Variants in ARID1B observed in about 807,000 individuals in gnomAD.
ARID1B encodes AT-rich interactive domain-containing protein 1B.
ARID1B carries 30 observed loss-of-function variants against 212.3 expected under a neutral mutation model. The observed-to-expected ratio is 0.14, with a 90% CI of 0.11 to 0.19. The LOEUF is 0.19. Ranked by LOEUF, ARID1B falls within the 10% of genes least tolerant of loss-of-function variation. ARID1B has a pLI of 1.00. For missense variants in ARID1B, 2,891 were observed against 3,204.0 expected, an observed-to-expected ratio of 0.90 and a Z score of 2.36; for synonymous variants, 1,402 against 1,301.7, an observed-to-expected ratio of 1.08 and a Z score of -1.66.
In ARID1B at chr6:157,210,294, C is replaced by T. The variant is rs1794695300; in HGVS notation, c.*2403C>T. ...ATATGGAGATTTGTAAGAGGGAATT[C>T]AATATTATTCTAATTTCTCTCTTAC... On this transcript the variant is annotated 3_prime_UTR_variant, in exon 20 of 20. Transcript: ENST00000636930. The T allele has an allele frequency of 1.3e-5, 3 of 230,558 alleles. No individual in the cohort carries two copies. Among genetic ancestry groups the T allele is most frequent in the South Asian group, 1.8e-4 (1 of 5,486 alleles). The allele number at this position is 230,558 out of a possible 1,614,324, so 14.3% of individuals were successfully genotyped here.
chr6:157,201,351 C>T lies in ARID1B; in HGVS notation c.5126C>T (p.Thr1709Met), dbSNP rs777745107. The change falls in exon 18 of 20, where the codon ACG (threonine) becomes ATG (methionine). Residue 1709 changes from threonine (T) to methionine (M), a missense_variant. Physicochemically the swap from Thr to Met is moderately conservative, Grantham distance 81. Coordinates refer to ENST00000636930, the MANE Select transcript of ARID1B (RefSeq NM_001374828.1). This position sits in a 1 kb window ranked among gnomAD's most constrained non-coding sequence, Gnocchi z 5.2. The stretch of plus-strand genomic sequence containing the variant: ...ATGAAGATGCAGAAGGTCATGCCCA[C>T]GGTCCCCACATCCCAGGTCACCGGG... Reference protein sequence around the residue: ...PSMKMQKVMPTVPTSQVTGPP... With the variant: ...PSMKMQKVMPMVPTSQVTGPP... The T allele has an allele frequency of 4.0e-5, 65 of 1,613,284 alleles. No individual in the cohort carries two copies. The highest frequency in any genetic ancestry group is 1.6e-4 in the Middle Eastern group (1 of 6,080).
chr6:157,157,336 T>C (rs1236671939), intron 8 of ARID1B, among the ~76,000 whole-genome samples: 1 of 152,136 alleles, frequency 6.6e-6, no homozygotes, highest in Non-Finnish European at 1.5e-5. Flanking sequence ...TAGGCGTCAT[T>C]AGCAGCCCAG....
At chr6:156,998,500 G>A (rs1778729108) in intron 4 of ARID1B, among the ~76,000 whole-genome samples, 1 of 152,178 alleles carries the variant, frequency 6.6e-6, no homozygotes, top group Non-Finnish European at 1.5e-5. Context: ...TGGGATTACA[G>A]GCGTGAGCCA....
chr6:156,854,676 C>T (rs76086422), intron 2 of ARID1B, among the ~76,000 whole-genome samples: 142 of 152,368 alleles, frequency 9.3e-4, no homozygotes, highest in African/African-American at 3.2e-3. Context: ...TCCCGGCCAT[C>T]CTGCCACGCG....
At chr6:157,107,568 T>C (rs1194594408) in intron 5 of ARID1B, among the ~76,000 whole-genome samples, 3 of 152,230 alleles carry the variant, frequency 2.0e-5, no homozygotes, top group African/African-American at 7.2e-5. Context: ...ATTGTGCACG[T>C]GGCTGTGTGT....
rs572236007 is a variant in ARID1B at position 156,779,262 on chromosome 6, GCGCCGC to G, written c.1594_1599del (p.Pro532_Pro533del). ...CTACCCCGAGTACAGCAGCCCCAGC[GCGCCGC>G]CGCCGCCGCCGTCGCAGCCCCAGTC... is the stretch of plus-strand genomic sequence containing the variant. On this transcript the variant is annotated inframe_deletion, in exon 1 of 20. Transcript: ENST00000636930. The G allele has an allele frequency of 1.7e-5, 20 of 1,146,008 alleles. No homozygotes were observed. Among genetic ancestry groups the G allele is most frequent in the African/African-American group, 1.2e-4 (7 of 58,994 alleles). 71.0% of individuals were successfully genotyped at this position (1,146,008 alleles called of 1,614,324 possible). A position where few individuals can be genotyped will look rare whatever the true frequency, so the allele number is the denominator to read the frequency against.
At chr6:156,784,333 C>CA (rs1255680154) in intron 1 of ARID1B, among the ~76,000 whole-genome samples, 4 of 152,132 alleles carry the variant, frequency 2.6e-5, no homozygotes, top group African/African-American at 7.2e-5. Context: ...GTTCCTCTAC[C>CA]AAGAATATAT....
In ARID1B at chr6:157,206,859, T is replaced by C. The variant is rs752265365; in HGVS notation, c.6087T>C (p.Gly2029=). ...PQTESSKFPF[G]IQQAKSHRNI... ...CCGAAAGCAGTAAGTTTCCCTTTGG[T>C]ATCCAGCAAGCCAAAAGTCACCGGA... The change falls in exon 20 of 20, where the codon GGT becomes GGC. Residue 2029 remains glycine, a synonymous_variant. Coordinates refer to ENST00000636930, the MANE Select transcript of ARID1B (RefSeq NM_001374828.1). The surrounding 1 kb of genome is among the most constrained non-coding windows in gnomAD (Gnocchi z 6.8). 4 of 1,613,954 alleles carry C rather than the reference T, an allele frequency of 2.5e-6. No homozygotes were observed. The African/African-American group carries it at 5.3e-5, about 22-fold the overall frequency.
At chr6:156,909,007 CT>C (rs111785191) in intron 3 of ARID1B, among the ~76,000 whole-genome samples, 2,833 of 152,130 alleles carry the variant, frequency 0.019, 95 homozygotes, top group African/African-American at 0.065. Flanking sequence ...TCATCTTTTC[CT>C]CCTCTTCCGA....
intron 2 of ARID1B, among the ~76,000 whole-genome samples, chr6:156,888,865 A>T (rs1020851605): frequency 1.3e-5 from 2 of 152,240 alleles, no homozygotes; most frequent in African/African-American, 2.4e-5. Context: ...CATAGTTATG[A>T]GTCTCGCATT....
intron 4 of ARID1B, among the ~76,000 whole-genome samples, chr6:157,001,353 C>G (rs12205003): frequency 0.29 from 44,151 of 152,086 alleles, 6,601 homozygotes; most frequent in Non-Finnish European, 0.32. Flanking sequence ...GTCTCTGTCA[C>G]GTCCCCCTCA....
chr6:156,961,498 G>A (rs1010491480), intron 4 of ARID1B, among the ~76,000 whole-genome samples: 1 of 152,186 alleles, frequency 6.6e-6, no homozygotes, highest in African/African-American at 2.4e-5. Context: ...GTCCTCTCCC[G>A]GGTCCGCTGC....
chr6:156,885,703 T>A (rs1224999788), intron 2 of ARID1B, among the ~76,000 whole-genome samples: 1 of 152,270 alleles, frequency 6.6e-6, no homozygotes, highest in East Asian at 1.9e-4. Flanking sequence ...ATATTTCAAG[T>A]ACTTTGATAC....
At chr6:157,110,711 A>T in intron 6 of ARID1B, 150 bp downstream of exon 6, 1 of 767,810 alleles carries the variant, frequency 1.3e-6, no homozygotes, top group Non-Finnish European at 2.1e-6. Context: ...AGCCCTTCCA[A>T]CAAATATGGA....
intron 1 of ARID1B, among the ~76,000 whole-genome samples, chr6:156,804,147 A>C (rs1181094626): frequency 6.6e-6 from 1 of 151,996 alleles, no homozygotes; most frequent in African/African-American, 2.4e-5. Flanking sequence ...ACTAGCCTGG[A>C]CAACATGGTG....
At chr6:156,795,008 C>G (rs1241173603) in intron 1 of ARID1B, among the ~76,000 whole-genome samples, 1 of 152,134 alleles carries the variant, frequency 6.6e-6, no homozygotes, top group Non-Finnish European at 1.5e-5. Context: ...ATCACATCAC[C>G]AGACATTAAT....
intron 9 of ARID1B, chr6:157,169,131 G>A (rs1385208350): frequency 3.9e-5 from 6 of 152,236 alleles, no homozygotes; most frequent in Admixed American, 3.9e-4. Context: ...AGAAGGGCCA[G>A]AAATGGTGGG....
chr6:156,809,490 C>G (rs1781412096), intron 1 of ARID1B, among the ~76,000 whole-genome samples: 1 of 152,028 alleles, frequency 6.6e-6, no homozygotes, highest in Non-Finnish European at 1.5e-5. Context: ...CATATGATAT[C>G]TGATTTAGTT....
intron 1 of ARID1B, among the ~76,000 whole-genome samples, chr6:156,790,772 A>G (rs2115183278): frequency 6.6e-6 from 1 of 152,270 alleles, no homozygotes; most frequent in East Asian, 1.9e-4. Context: ...TGCAATCCTG[A>G]CTTTTCCTCT....
Sources: gnomAD v4.1 joint callset for allele counts (sites outside exome capture counted in the v4.1 genomes callset) on GRCh38, gnomAD v4.1.1 for gene constraint, Gnocchi (gnomAD v3.1) non-coding constraint, MANE v1.5 for transcripts, NCBI Gene and HGNC (gene_info 2026-07-23, HGNC 2026-07-21) for gene names.